The following MYO16 variants were observed in gnomAD, a reference collection of about 807,000 sequenced individuals.
MYO16 encodes myosin XVI.
A neutral mutation model predicts 205.3 loss-of-function variants in MYO16; 94 were observed. The observed-to-expected ratio is 0.46, with a 90% CI of 0.39 to 0.54. The LOEUF (loss-of-function observed/expected upper bound fraction) is 0.54. Among genes scored for constraint, MYO16 ranks in the 20% least tolerant of loss-of-function variants. The pLI, the probability that MYO16 is intolerant of heterozygous loss-of-function variation, is 0.00. For synonymous variants in MYO16, 988 were observed against 954.0 expected, an observed-to-expected ratio of 1.04 and a Z score of -0.66; for missense variants, 2,315 against 2,387.5, an observed-to-expected ratio of 0.97 and a Z score of 0.63.
chr13:108,742,478 T>C (rs1175408851), intron 4 of MYO16, among the ~76,000 whole-genome samples: 1 of 152,164 alleles, frequency 6.6e-6, no homozygotes, highest in African/African-American at 2.4e-5. Context: ...ACTTACATTT[T>C]TATTATTTGA....
intron 23 of MYO16, among the ~76,000 whole-genome samples, chr13:109,028,185 G>A (rs277822): frequency 0.97 from 147,250 of 151,032 alleles, 71,866 homozygotes; most frequent in East Asian, 1. Flanking sequence ...TCAGTGGAAG[G>A]TATGTGCAGA....
the MYO16 span, among the ~76,000 whole-genome samples, chr13:108,560,294 T>G: frequency 1.3e-5 from 2 of 152,082 alleles, no homozygotes; most frequent in Non-Finnish European, 2.9e-5. Flanking sequence ...TGTTGCAGAG[T>G]TGCCATGGCA....
rs1441862665 is a variant in MYO16 at position 108,849,616 on chromosome 13, CTTTTGTGT to C, written c.1248+5124_1248+5131del. 4.9e-3 allele frequency among the ~76,000 whole-genome samples: 382 copies of C among 77,782 alleles called. 6 individuals are homozygous for C. Among genetic ancestry groups the C allele is most frequent in the Middle Eastern group, 0.016 (2 of 126 alleles). 51.0% of individuals were successfully genotyped at this position (77,782 alleles called of 152,430 possible). A position where few individuals can be genotyped will look rare whatever the true frequency, so the allele number is the denominator to read the frequency against. ...TCCTCCAAATCCTGTTGAATTTCCT[CTTTTGTGT>C]GTGTGTGTGTGTGTGTGTGTGTGTG... On this transcript the variant is annotated intron_variant, in intron 10 of 34. Coordinates refer to ENST00000457511, the MANE Select transcript of MYO16 (RefSeq NM_001198950.3).
chr13:108,667,105 G>C (rs1881766287), intron 2 of MYO16, among the ~76,000 whole-genome samples: 1 of 152,090 alleles, frequency 6.6e-6, no homozygotes, highest in Admixed American at 6.5e-5. Flanking sequence ...CCTACTTATG[G>C]TTTATAACCT....
At chr13:109,089,188 C>CATTATTATTATTATTATT (rs34430414) in intron 27 of MYO16, among the ~76,000 whole-genome samples, 16 of 147,824 alleles carry the variant, frequency 1.1e-4, no homozygotes, top group South Asian at 4.3e-4. Flanking sequence ...TTGTTTTCTG[C>CATTATTATTATTATTATT]ATTATTATTA....
intron 21 of MYO16, among the ~76,000 whole-genome samples, chr13:109,008,422 T>A (rs1288094666): frequency 4.6e-5 from 6 of 130,814 alleles, no homozygotes; most frequent in Admixed American, 1.5e-4. Flanking sequence ...GTACTATCTA[T>A]CTTGTGTATG....
At position 108,945,411 on chromosome 13, in the gene MYO16, C is replaced by T. The variant is rs752081478; in HGVS notation, c.1926-12277C>T. ...TTGAACTTTGTTATTTCATAACTAG[C>T]GTTTCTTATTGAAAATATGTAGCAT... On this transcript the variant is annotated intron_variant, in intron 16 of 34. Coordinates refer to ENST00000457511, the MANE Select transcript of MYO16 (RefSeq NM_001198950.3). 2.6e-4 allele frequency among the ~76,000 whole-genome samples: 39 copies of T among 152,208 alleles called. 1 individual carries two copies. The Middle Eastern group carries it at 0.027, about 106-fold the overall frequency.
intron 1 of MYO16, among the ~76,000 whole-genome samples, chr13:108,649,552 G>A (rs1178172345): frequency 6.6e-6 from 1 of 152,172 alleles, no homozygotes; most frequent in East Asian, 1.9e-4. Context: ...AAGGATGGAA[G>A]ATATATGGAA....
the MYO16 span, among the ~76,000 whole-genome samples, chr13:108,546,183 C>G: frequency 6.6e-6 from 1 of 152,160 alleles, no homozygotes; most frequent in Admixed American, 6.5e-5. Context: ...GGCTACGTAG[C>G]ACAGCCTAGA....
intron 11 of MYO16, among the ~76,000 whole-genome samples, chr13:108,858,376 A>C (rs2139107899): frequency 6.6e-6 from 1 of 152,324 alleles, no homozygotes; most frequent in South Asian, 2.1e-4. Flanking sequence ...CAGAAATCTC[A>C]AAATTCAAAT....
the MYO16 span, among the ~76,000 whole-genome samples, chr13:108,577,938 T>C: frequency 6.6e-6 from 1 of 152,210 alleles, no homozygotes; most frequent in African/African-American, 2.4e-5. Flanking sequence ...AGTAGCTTAA[T>C]ATAAGAGACA....
intron 10 of MYO16, among the ~76,000 whole-genome samples, chr13:108,852,536 C>T (rs1877935320): frequency 6.6e-6 from 1 of 152,166 alleles, no homozygotes; most frequent in African/African-American, 2.4e-5. Context: ...AAATGTTATT[C>T]AGCAGAAGAA....
At position 109,140,123 on chromosome 13, in the gene MYO16, G is replaced by T. The variant is rs544061179; in HGVS notation, c.4052-141G>T. The T allele has an allele frequency of 2.1e-6, 3 of 1,401,110 alleles. No individual in the cohort carries two copies. The South Asian group carries it at 4.4e-5, about 21-fold the overall frequency. The allele number at this position is 1,401,110 out of a possible 1,614,324, so 86.8% of individuals were successfully genotyped here. A position where few individuals can be genotyped will look rare whatever the true frequency, so the allele number is the denominator to read the frequency against. On this transcript the variant is annotated intron_variant, in intron 31 of 34. Coordinates refer to ENST00000457511, the MANE Select transcript of MYO16 (RefSeq NM_001198950.3). The surrounding 1 kb of genome is among the most constrained non-coding windows in gnomAD (Gnocchi z 8.0). ...AGTTCGGGTTCAGCCAGGGAGCCTAGTGGGTGGAGGAACATGCAGGCCCGG... is the reference window on the plus strand; with the variant it reads ...AGTTCGGGTTCAGCCAGGGAGCCTATTGGGTGGAGGAACATGCAGGCCCGG...
chr13:108,829,599 A>T (rs966604019), intron 9 of MYO16, among the ~76,000 whole-genome samples: 1 of 152,128 alleles, frequency 6.6e-6, no homozygotes. Flanking sequence ...GTGACCTGGG[A>T]TAGAGAAGAA....
At chr13:109,152,762 C>T (rs1430672107) in intron 32 of MYO16, among the ~76,000 whole-genome samples, 1 of 152,104 alleles carries the variant, frequency 6.6e-6, no homozygotes, top group Non-Finnish European at 1.5e-5. Context: ...TGTAGTTCTT[C>T]CTAGGCTACA....
intron 1 of MYO16, among the ~76,000 whole-genome samples, chr13:108,660,480 ATTGTGATATTTTCCTGTTGGG>A: frequency 6.6e-6 from 1 of 152,108 alleles, no homozygotes; most frequent in African/African-American, 2.4e-5. Flanking sequence ...TATATTTAGG[ATTGTGATATTTTCCTGTTGGG>A]CAAGGCCTTT....
At chr13:109,032,172 A>G (rs1342203292) in intron 23 of MYO16, among the ~76,000 whole-genome samples, 2 of 152,048 alleles carry the variant, frequency 1.3e-5, no homozygotes, top group African/African-American at 2.4e-5. Flanking sequence ...GGTTGATTCC[A>G]CATAGACCCT....
intron 10 of MYO16, among the ~76,000 whole-genome samples, chr13:108,854,397 T>C (rs1480997271): frequency 1.3e-5 from 2 of 152,110 alleles, no homozygotes; most frequent in African/African-American, 4.8e-5. Flanking sequence ...TATCCACTAA[T>C]ATCAGAAAAA....
chr13:109,155,637 C>T (rs1393689399), intron 32 of MYO16, among the ~76,000 whole-genome samples: 1 of 152,228 alleles, frequency 6.6e-6, no homozygotes, highest in Non-Finnish European at 1.5e-5. Context: ...AGATCTCCAT[C>T]ACCACTAGAC....
Sources: gnomAD v4.1 joint callset for allele counts (sites outside exome capture counted in the v4.1 genomes callset) on GRCh38, gnomAD v4.1.1 for gene constraint, Gnocchi (gnomAD v3.1) non-coding constraint, MANE v1.5 for transcripts, NCBI Gene and HGNC (gene_info 2026-07-23, HGNC 2026-07-21) for gene names.